EYS: variants seen among roughly 807,000 people sequenced by gnomAD.
EYS encodes protein eyes shut homolog.
EYS carries 250 observed loss-of-function variants against 282.1 expected under a neutral mutation model. The ratio of observed to expected loss-of-function variants is 0.89; its 90% confidence interval spans 0.80 to 0.98. EYS has a LOEUF of 0.98. Among genes scored for constraint, EYS ranks in the 50% least tolerant of loss-of-function variants. The probability of loss-of-function intolerance (pLI) is 0.00; values close to 1 mark genes in which losing one functional copy is unlikely to be tolerated. For missense variants in EYS, 4,016 were observed against 3,709.0 expected (o/e 1.08, Z -2.15); for synonymous variants, 1,355 against 1,282.9 (o/e 1.06, Z -1.20).
chr6:64,098,570 T>G (rs112305422), intron 31 of EYS, among the ~76,000 whole-genome samples: 11,487 of 151,784 alleles, frequency 0.076, 1,365 homozygotes, highest in African/African-American at 0.25. Context: ...TTATGCAAAG[T>G]CTTCAAATGT....
At chr6:65,381,722 C>A (rs952450856) in intron 8 of EYS, among the ~76,000 whole-genome samples, 2 of 151,886 alleles carry the variant, frequency 1.3e-5, no homozygotes, top group African/African-American at 4.8e-5. Flanking sequence ...ATTATCTATA[C>A]AATATATTTT....
At chr6:65,686,025 T>C (rs1276374906) in intron 1 of EYS, among the ~76,000 whole-genome samples, 2 of 152,056 alleles carry the variant, frequency 1.3e-5, no homozygotes, top group East Asian at 3.9e-4. Flanking sequence ...TTCGAGCTCT[T>C]CCTCAACTTC....
intron 12 of EYS, among the ~76,000 whole-genome samples, chr6:65,231,607 T>C (rs1273325439): frequency 1.3e-5 from 2 of 151,812 alleles, no homozygotes; most frequent in Non-Finnish European, 2.9e-5. Flanking sequence ...AAAGGATAAA[T>C]GTGCTATCAA....
intron 13 of EYS, among the ~76,000 whole-genome samples, chr6:65,056,804 G>A (rs1450078710): frequency 6.6e-6 from 1 of 151,868 alleles, no homozygotes; most frequent in Non-Finnish European, 1.5e-5. Context: ...AGACATTGTG[G>A]TATTTAAATA....
At chr6:65,063,425 G>T (rs1444078026) in intron 12 of EYS, among the ~76,000 whole-genome samples, 1 of 151,890 alleles carries the variant, frequency 6.6e-6, no homozygotes, top group Non-Finnish European at 1.5e-5. Flanking sequence ...TTCTTCAGTA[G>T]AAAAGAAAAA....
intron 41 of EYS, among the ~76,000 whole-genome samples, chr6:63,736,121 TG>T (rs35317225): frequency 0.011 from 1,604 of 152,332 alleles, 25 homozygotes; most frequent in African/African-American, 0.037. Context: ...TGGCTTTTGT[TG>T]CCATTGCTTT....
chr6:65,529,562 G>A (rs1263441437), intron 2 of EYS, among the ~76,000 whole-genome samples: 3 of 152,056 alleles, frequency 2.0e-5, no homozygotes, highest in East Asian at 1.9e-4. Flanking sequence ...TCTTATATAC[G>A]TTTTCCTCAG....
At position 63,720,923 on chromosome 6, in the gene EYS, A is replaced by T. The variant is rs937362206; in HGVS notation, c.9108T>A (p.Asn3036Lys). 1.2e-5 allele frequency: 18 copies of T among 1,551,038 alleles called. No homozygotes were observed. In the African/African-American group the frequency reaches 2.2e-4, roughly 19 times the overall value. Reference protein sequence around the residue: ...ERISVPMSYNNGTFCCNKWHH... With the variant: ...ERISVPMSYNKGTFCCNKWHH... ...GCCATTTATTACAACAGAATGTGCC[A>T]TTGTTATAGCTCATAGGCACAGAGA... The change falls in exon 43 of 43, where the codon AAT becomes AAA. Residue 3036 changes from asparagine to lysine, a missense_variant. Asn to Lys is a moderately conservative substitution (Grantham distance 94, BLOSUM62 0). Transcript: ENST00000503581.
chr6:65,416,765 C>CCTGTAAGAATGAAG (rs1271460423), intron 5 of EYS, among the ~76,000 whole-genome samples: 1 of 151,894 alleles, frequency 6.6e-6, no homozygotes, highest in Non-Finnish European at 1.5e-5. Context: ...AGTCTACTTT[C>CCTGTAAGAATGAAG]CTGTAAGAAT....
At chr6:65,639,155 AT>A (rs1206383525) in intron 2 of EYS, among the ~76,000 whole-genome samples, 1 of 152,198 alleles carries the variant, frequency 6.6e-6, no homozygotes, top group Non-Finnish European at 1.5e-5. Context: ...TAAGCTCATA[AT>A]AAAATACAGA....
At chr6:64,551,294 G>A (rs1468126839) in intron 26 of EYS, among the ~76,000 whole-genome samples, 1 of 151,126 alleles carries the variant, frequency 6.6e-6, no homozygotes, top group Non-Finnish European at 1.5e-5. Flanking sequence ...TAAAGGTTTG[G>A]AGAGTACCTT....
intron 22 of EYS, among the ~76,000 whole-genome samples, chr6:64,762,640 A>T (rs184896576): frequency 1.6e-4 from 25 of 152,204 alleles, no homozygotes; most frequent in African/African-American, 5.8e-4. Flanking sequence ...ACTATTTATG[A>T]TGTATTTTTA....
intron 29 of EYS, among the ~76,000 whole-genome samples, chr6:64,346,720 A>G (rs944254581): frequency 1.3e-5 from 2 of 151,676 alleles, no homozygotes; most frequent in South Asian, 4.2e-4. Flanking sequence ...AAATTAAACA[A>G]AACAAAACAA....
chr6:64,800,838 C>A (rs1353124461), intron 22 of EYS, among the ~76,000 whole-genome samples: 1 of 151,852 alleles, frequency 6.6e-6, no homozygotes, highest in African/African-American at 2.4e-5. Context: ...TAGCTGCAAG[C>A]ATGGGATATA....
intron 29 of EYS, among the ~76,000 whole-genome samples, chr6:64,318,112 G>A (rs1770050477): frequency 6.6e-6 from 1 of 151,912 alleles, no homozygotes. Context: ...AAGCACCATG[G>A]CATGTGTATA....
chr6:64,925,543 G>C (rs1768488600), intron 15 of EYS, among the ~76,000 whole-genome samples: 1 of 152,128 alleles, frequency 6.6e-6, no homozygotes, highest in African/African-American at 2.4e-5. Context: ...GTCATATGAG[G>C]CTACCTTCCC....
chr6:64,263,083 T>C (rs1216221504), intron 30 of EYS, among the ~76,000 whole-genome samples: 4 of 151,826 alleles, frequency 2.6e-5, no homozygotes, highest in Non-Finnish European at 5.9e-5. Flanking sequence ...GTGATGATAG[T>C]AAACGCTAGT....
At chr6:65,555,450 G>A (rs943048808) in intron 2 of EYS, among the ~76,000 whole-genome samples, 26 of 151,414 alleles carry the variant, frequency 1.7e-4, no homozygotes, top group African/African-American at 6.1e-4. Flanking sequence ...CTATATATTA[G>A]TTCATATTAC....
intron 12 of EYS, among the ~76,000 whole-genome samples, chr6:65,288,194 T>C (rs1008963692): frequency 2.0e-5 from 3 of 151,032 alleles, no homozygotes; most frequent in African/African-American, 4.8e-5. Context: ...AATGGACCTG[T>C]AGGAAATGAC....
Sources: allele counts gnomAD v4.1 joint callset (sites outside exome capture counted in the v4.1 genomes callset), GRCh38; gene constraint gnomAD v4.1.1; transcripts MANE v1.5; gene names NCBI Gene and HGNC (gene_info 2026-07-23, HGNC 2026-07-21).